PHYHIPL: variants seen among roughly 807,000 people sequenced by gnomAD.
The protein encoded by PHYHIPL is phytanoyl-CoA 2-hydroxylase interacting protein like, also known as phytanoyl-CoA hydroxylase-interacting protein-like.
Under a neutral mutation model 33.4 loss-of-function variants are expected in PHYHIPL, and 9 were observed. The ratio of observed to expected loss-of-function variants is 0.27; its 90% CI spans 0.16 to 0.47. The LOEUF is 0.47. Among genes scored for constraint, PHYHIPL ranks in the 20% least tolerant of loss-of-function variants. The pLI is 0.99. For synonymous variants in PHYHIPL, 153 were observed against 154.1 expected (o/e 0.99, Z 0.05); for missense variants, 365 against 460.7 (o/e 0.79, Z 1.90).
rs182932284 is a variant in PHYHIPL, at chr10:59,187,278, G to A, written c.106+10319G>A. Among the ~76,000 whole-genome samples the A allele has an allele frequency of 1.1e-3, 173 of 152,232 alleles. 3 individuals carry two copies. The highest frequency in any genetic ancestry group is 3.1e-3 in the Admixed American group (48 of 15,290). ...GGCTGGATTACGTTTATTGATTTGC[G>A]TATGTTGAACCAGCCTTGCATCCCA... On this transcript the variant is annotated intron_variant, in intron 1 of 4. Coordinates refer to ENST00000373880, the MANE Select transcript of PHYHIPL (RefSeq NM_032439.4).
intron 2 of PHYHIPL, among the ~76,000 whole-genome samples, chr10:59,236,043 A>G (rs1414378559): frequency 6.6e-6 from 1 of 151,810 alleles, no homozygotes; most frequent in African/African-American, 2.4e-5. Context: ...TTAGTATGAG[A>G]ATGTTGCATT....
intron 1 of PHYHIPL, among the ~76,000 whole-genome samples, chr10:59,179,709 A>G (rs1435537222): frequency 6.6e-6 from 1 of 152,028 alleles, no homozygotes; most frequent in Admixed American, 6.6e-5. Context: ...CTATTTTCCT[A>G]TGAATTGATG....
At chr10:59,239,816 CT>C (rs1328040405) in intron 4 of PHYHIPL, among the ~76,000 whole-genome samples, 9 of 151,966 alleles carry the variant, frequency 5.9e-5, no homozygotes, top group African/African-American at 2.2e-4. Flanking sequence ...TGTAAAACTT[CT>C]TACACAGCAT....
intron 2 of PHYHIPL, 27 bp downstream of exon 2, chr10:59,234,527 A>G: frequency 6.9e-7 from 1 of 1,457,768 alleles, no homozygotes; most frequent in Non-Finnish European, 9.1e-7. Flanking sequence ...ACTCATGCTA[A>G]TTTGCATCTT....
At chr10:59,236,335 C>A in intron 2 of PHYHIPL, 148 bp from the exon 3 acceptor site, 2 of 460,336 alleles carry the variant, frequency 4.3e-6, no homozygotes, top group Non-Finnish European at 7.6e-6. Context: ...CTCCTTTTCC[C>A]TCCTTCCTTC....
chr10:59,246,193 T>C lies in PHYHIPL; in HGVS notation c.*602T>C, dbSNP rs1840692816. 6.5e-6 allele frequency: 1 copy of C among 153,010 alleles called. No homozygotes were observed. Among genetic ancestry groups the C allele is most frequent in the Middle Eastern group, 3.1e-3 (1 of 318 alleles). 9.5% of individuals were successfully genotyped at this position (153,010 alleles called of 1,614,324 possible). On this transcript the variant is annotated 3_prime_UTR_variant, in exon 5 of 5. Transcript: ENST00000373880. Reference sequence around the variant, plus strand: ...AAAATATTTACAATCATATAGAATATATAGAGTTACATTTTAATAGCAACT... The same window carrying C: ...AAAATATTTACAATCATATAGAATACATAGAGTTACATTTTAATAGCAACT...
chr10:59,223,082 T>G (rs1050818581), intron 1 of PHYHIPL, among the ~76,000 whole-genome samples: 3 of 152,224 alleles, frequency 2.0e-5, no homozygotes, highest in Non-Finnish European at 4.4e-5. Context: ...TGTGTACTTA[T>G]GTATGTGGGA....
upstream of PHYHIPL, among the ~76,000 whole-genome samples, chr10:59,175,099 G>A (rs1037894040): frequency 6.6e-6 from 1 of 152,110 alleles, no homozygotes; most frequent in African/African-American, 2.4e-5. Context: ...GTTCTACAGA[G>A]CCAGGCTTTC....
In PHYHIPL at chr10:59,246,838, A is replaced by T; in HGVS notation, c.*1247A>T. 1 of 384,082 alleles carries T rather than the reference A, an allele frequency of 2.6e-6. No homozygotes were observed. The highest frequency in any genetic ancestry group is 4.6e-6 in the Non-Finnish European group (1 of 217,088). The allele number at this position is 384,082 out of a possible 1,614,324, so 23.8% of individuals were successfully genotyped here. A position where few individuals can be genotyped will look rare whatever the true frequency, so the allele number is the denominator to read the frequency against. On this transcript the variant is annotated 3_prime_UTR_variant, in exon 5 of 5. Coordinates refer to ENST00000373880, the MANE Select transcript of PHYHIPL (RefSeq NM_032439.4). ...AGATTAGCAATAATACTATGGACAC[A>T]TTAGATTATATACTACAGACACATA...
intron 3 of PHYHIPL, among the ~76,000 whole-genome samples, chr10:59,237,500 C>T (rs1840260893): frequency 1.3e-5 from 2 of 151,902 alleles, no homozygotes; most frequent in South Asian, 4.1e-4. Context: ...CTACAAGAAA[C>T]TTAAGCTGTT....
intron 1 of PHYHIPL, among the ~76,000 whole-genome samples, chr10:59,183,906 TC>T (rs1301099105): frequency 7.2e-5 from 11 of 152,206 alleles, no homozygotes; most frequent in Non-Finnish European, 1.2e-4. Flanking sequence ...GCTTATAGTT[TC>T]CTTAGACATA....
intron 1 of PHYHIPL, among the ~76,000 whole-genome samples, chr10:59,180,701 T>C (rs921162909): frequency 1.3e-5 from 2 of 152,112 alleles, no homozygotes; most frequent in African/African-American, 2.4e-5. Context: ...TTTATCTCTT[T>C]TACATATTTA....
intron 1 of PHYHIPL, among the ~76,000 whole-genome samples, chr10:59,199,482 A>G (rs1247388208): frequency 6.6e-6 from 1 of 152,172 alleles, no homozygotes; most frequent in Non-Finnish European, 1.5e-5. Context: ...GTTTGAAGTC[A>G]GGTAGCGTGA....
intron 1 of PHYHIPL, among the ~76,000 whole-genome samples, chr10:59,198,624 C>T (rs1013206144): frequency 7.2e-5 from 11 of 152,302 alleles, no homozygotes; most frequent in Admixed American, 1.3e-4. Flanking sequence ...CTTGAGGAAT[C>T]GCCACACTGT....
chr10:59,245,207 A>G lies in PHYHIPL; in HGVS notation c.747A>G (p.Arg249=). Residue 249 remains arginine (R), a synonymous_variant, in exon 5 of 5, where the codon AGA becomes AGG. Transcript: ENST00000373880. ...CACCCCAGGATTCACCTTATGGAAG[A>G]TACAGGTTTGAGATTGCCGCAGAAA... ...GKPPQDSPYG[R]YRFEIAAEKL... is the part of the protein sequence containing the mutation. The G allele has an allele frequency of 6.2e-7, 1 of 1,614,188 alleles. No individual in the cohort carries two copies. Among genetic ancestry groups the G allele is most frequent in the Non-Finnish European group, 8.5e-7 (1 of 1,180,022 alleles).
chr10:59,177,629 T>A (rs752576702), intron 1 of PHYHIPL: 1 of 1,551,470 alleles, frequency 6.4e-7, no homozygotes, highest in Non-Finnish European at 8.7e-7. Context: ...GTACGTACCA[T>A]TGCGTGTTGA....
chr10:59,185,337 G>A (rs1838560916), intron 1 of PHYHIPL, among the ~76,000 whole-genome samples: 1 of 152,148 alleles, frequency 6.6e-6, no homozygotes, highest in African/African-American at 2.4e-5. Flanking sequence ...GTGTATATGT[G>A]CCACATTTTC....
intron 1 of PHYHIPL, among the ~76,000 whole-genome samples, chr10:59,199,963 C>T (rs892284850): frequency 2.0e-5 from 3 of 152,278 alleles, no homozygotes; most frequent in East Asian, 3.9e-4. Context: ...TGGGCTGAGA[C>T]GATGGGGTTT....
chr10:59,227,748 T>C (rs1452093301), intron 1 of PHYHIPL, among the ~76,000 whole-genome samples: 1 of 151,344 alleles, frequency 6.6e-6, no homozygotes, highest in African/African-American at 2.4e-5. Context: ...ATAAGGGGAG[T>C]ATCTGAATAG....
Sources: allele counts gnomAD v4.1 joint callset (sites outside exome capture counted in the v4.1 genomes callset), GRCh38; gene constraint gnomAD v4.1.1; transcripts MANE v1.5; gene names NCBI Gene and HGNC (gene_info 2026-07-23, HGNC 2026-07-21).